The following ECT2L variants were observed in gnomAD, a reference collection of about 807,000 sequenced individuals.
The protein encoded by ECT2L is epithelial cell transforming 2 like.
Under a neutral mutation model 122.8 loss-of-function variants are expected in ECT2L, and 126 were observed. The observed-to-expected ratio is 1.03, with a 90% CI of 0.89 to 1.19. The LOEUF (loss-of-function observed/expected upper bound fraction) is 1.19, where lower values mean the gene tolerates loss of function less well. Ranked by LOEUF, ECT2L falls within the 50% of genes most tolerant of loss-of-function variation. The pLI is 0.00. For missense variants in ECT2L, 1,012 were observed against 1,064.1 expected (o/e 0.95, Z 0.68); for synonymous variants, 385 against 381.8 (o/e 1.01, Z -0.10).
At chr6:138,843,351 G>A in intron 6 of ECT2L, 120 bp downstream of exon 6, 1 of 1,009,156 alleles carries the variant, frequency 9.9e-7, no homozygotes, top group Non-Finnish European at 1.4e-6. Context: ...GCAGTCTTAA[G>A]TATTTTCCAG....
At chr6:138,873,890 G>GTGTGTGTGTGTGTGTGTGTGTGTA (rs1778347171) in intron 13 of ECT2L, among the ~76,000 whole-genome samples, 10 of 130,606 alleles carry the variant, frequency 7.7e-5, no homozygotes, top group African/African-American at 8.7e-5. Context: ...GTGTGTGTGT[G>GTGTGTGTGTGTGTGTGTGTGTGTA]TGTGTGTGTG....
At chr6:138,805,396 C>G (rs1444098794) in intron 1 of ECT2L, among the ~76,000 whole-genome samples, 1 of 152,236 alleles carries the variant, frequency 6.6e-6, no homozygotes, top group Non-Finnish European at 1.5e-5. Flanking sequence ...TTTGCACTTT[C>G]ACCAGCTGTG....
At chr6:138,853,220 C>T (rs1260072794) in intron 9 of ECT2L, among the ~76,000 whole-genome samples, 3 of 152,188 alleles carry the variant, frequency 2.0e-5, no homozygotes, top group Admixed American at 2.0e-4. Context: ...CCTGCCTCGG[C>T]CTCCCAAAGT....
chr6:138,821,143 C>T (rs925015942), intron 4 of ECT2L, among the ~76,000 whole-genome samples: 2 of 152,246 alleles, frequency 1.3e-5, no homozygotes, highest in African/African-American at 2.4e-5. Flanking sequence ...CTCGTCCCTT[C>T]TAGTCTCAGT....
At chr6:138,836,776 T>C (rs1583573391) in intron 4 of ECT2L, among the ~76,000 whole-genome samples, 1 of 152,294 alleles carries the variant, frequency 6.6e-6, no homozygotes, top group South Asian at 2.1e-4. Context: ...CAATAGGCTA[T>C]ATTACATTAA....
At chr6:138,832,617 T>C (rs2128384422) in intron 4 of ECT2L, among the ~76,000 whole-genome samples, 1 of 152,242 alleles carries the variant, frequency 6.6e-6, no homozygotes, top group East Asian at 1.9e-4. Context: ...GAAGGTGTGC[T>C]TCCTTGCTTC....
In ECT2L at chr6:138,845,443, C is replaced by T. The variant is rs542766868; in HGVS notation, c.764+863C>T. Among the ~76,000 whole-genome samples, 4 of 152,134 alleles carry T rather than the reference C, an allele frequency of 2.6e-5. No homozygotes were observed. The East Asian group carries it at 7.7e-4, about 29-fold the overall frequency. On this transcript the variant is annotated intron_variant, in intron 7 of 21. Coordinates refer to ENST00000541398, the MANE Select transcript of ECT2L (RefSeq NM_001077706.3). Reference sequence around the variant, plus strand: ...TTTTGTAGTAGAGACAGGGTTTCACCGTATTGGCCAGGCTGGTCTCAAACT... The same window carrying T: ...TTTTGTAGTAGAGACAGGGTTTCACTGTATTGGCCAGGCTGGTCTCAAACT...
At chr6:138,799,034 G>T (rs1303654278) in intron 1 of ECT2L, among the ~76,000 whole-genome samples, 2 of 152,190 alleles carry the variant, frequency 1.3e-5, no homozygotes, top group Non-Finnish European at 1.5e-5. Flanking sequence ...CTGACCACAA[G>T]CCACTCCGGG....
At chr6:138,883,715 G>A (rs749694234) in intron 16 of ECT2L, among the ~76,000 whole-genome samples, 30 of 152,326 alleles carry the variant, frequency 2.0e-4, no homozygotes, top group Non-Finnish European at 2.9e-4. Context: ...TCATAGAACC[G>A]ACCTTGGAGA....
intron 4 of ECT2L, among the ~76,000 whole-genome samples, chr6:138,829,424 C>T (rs942320658): frequency 1.3e-5 from 2 of 152,194 alleles, no homozygotes; most frequent in Non-Finnish European, 2.9e-5. Flanking sequence ...GATCCATACT[C>T]TCAATTCAAA....
intron 13 of ECT2L, among the ~76,000 whole-genome samples, chr6:138,873,892 G>GTGTGTGTGTGTGTA (rs1554276986): frequency 0.01 from 1,407 of 134,920 alleles, 33 homozygotes; most frequent in African/African-American, 0.033. Flanking sequence ...GTGTGTGTGT[G>GTGTGTGTGTGTGTA]TGTGTGTGTG....
chr6:138,889,192 A>AGT (rs772863085), intron 20 of ECT2L, among the ~76,000 whole-genome samples, 161 bp downstream of exon 20: 43 of 152,198 alleles, frequency 2.8e-4, no homozygotes, highest in Non-Finnish European at 1.2e-4. Context: ...CCTCTGAGAT[A>AGT]GTGTAGGGTA....
At chr6:138,798,353 T>C (rs1361682487) in intron 1 of ECT2L, among the ~76,000 whole-genome samples, 1 of 152,262 alleles carries the variant, frequency 6.6e-6, no homozygotes, top group South Asian at 2.1e-4. Context: ...TGAAGCTATC[T>C]AGGGGTCCAC....
intron 10 of ECT2L, among the ~76,000 whole-genome samples, chr6:138,860,149 G>T (rs2128398142): frequency 6.6e-6 from 1 of 152,180 alleles, no homozygotes; most frequent in African/African-American, 2.4e-5. Flanking sequence ...GAGTTTCGAT[G>T]ACATCAAATA....
intron 1 of ECT2L, among the ~76,000 whole-genome samples, chr6:138,811,257 C>T (rs963039294): frequency 6.6e-6 from 1 of 152,202 alleles, no homozygotes; most frequent in Admixed American, 6.5e-5. Context: ...CTCCAGCCAA[C>T]AGCTGGTGAG....
intron 5 of ECT2L, among the ~76,000 whole-genome samples, chr6:138,841,674 G>C (rs1431876766): frequency 1.3e-5 from 2 of 152,136 alleles, no homozygotes; most frequent in African/African-American, 4.8e-5. Context: ...CTTTGCTTTG[G>C]AACTGACAAA....
intron 8 of ECT2L, among the ~76,000 whole-genome samples, chr6:138,847,687 A>G (rs1274628426): frequency 6.6e-6 from 1 of 151,990 alleles, no homozygotes; most frequent in South Asian, 2.1e-4. Flanking sequence ...TAAAGGCCCA[A>G]ACTTTTAACT....
chr6:138,799,316 C>T (rs1388295431), intron 1 of ECT2L, among the ~76,000 whole-genome samples: 13 of 151,778 alleles, frequency 8.6e-5, no homozygotes, highest in African/African-American at 2.4e-4. Flanking sequence ...TGCAGTGGCA[C>T]GATCTCGGCT....
At chr6:138,893,174 GT>G (rs367734062) in intron 20 of ECT2L, among the ~76,000 whole-genome samples, 19 of 135,584 alleles carry the variant, frequency 1.4e-4, no homozygotes, top group South Asian at 2.3e-4. Context: ...GTTTTTTTTT[GT>G]TTTTTTTTTG....
Sources: allele counts gnomAD v4.1 joint callset (sites outside exome capture counted in the v4.1 genomes callset), GRCh38; gene constraint gnomAD v4.1.1; transcripts MANE v1.5; gene names NCBI Gene and HGNC (gene_info 2026-07-23, HGNC 2026-07-21).